DYM: variants seen among roughly 807,000 people sequenced by gnomAD.
DYM encodes the protein dyggve-Melchior-Clausen syndrome protein.
Under a neutral mutation model 93.1 loss-of-function variants are expected in DYM, and 78 were observed. The ratio of observed to expected loss-of-function variants is 0.84; its 90% CI spans 0.70 to 1.01. DYM has a LOEUF of 1.01. Ranked by LOEUF, DYM falls within the 50% of genes least tolerant of loss-of-function variation. The probability of loss-of-function intolerance (pLI) is 0.00; values close to 1 mark genes in which losing one functional copy is unlikely to be tolerated. For synonymous variants in DYM, 321 were observed against 319.7 expected (o/e 1.00, Z -0.04); for missense variants, 789 against 845.0 (o/e 0.93, Z 0.82).
intron 5 of DYM, among the ~76,000 whole-genome samples, chr18:49,370,062 AG>A: frequency 1.3e-5 from 2 of 152,268 alleles, no homozygotes; most frequent in East Asian, 3.9e-4. Context: ...GGACCACTTG[AG>A]GTCGGGAGTT....
chr18:49,454,907 C>CAAAAAA (rs35671085), intron 1 of DYM, among the ~76,000 whole-genome samples: 1 of 73,232 alleles, frequency 1.4e-5, no homozygotes, highest in Non-Finnish European at 2.6e-5. Context: ...GACTCTGTCT[C>CAAAAAA]AAAAAAAAAA....
At position 49,416,893 on chromosome 18, in the gene DYM, A is replaced by C. The variant is rs577866536; in HGVS notation, c.140+13362T>G. 3.9e-5 allele frequency among the ~76,000 whole-genome samples: 6 copies of C among 152,236 alleles called. No individual in the cohort carries two copies. The South Asian group carries it at 1.2e-3, about 32-fold the overall frequency. ...ACAGGTGGACATATTTTTATTTCCC[A>C]GTTCAGCCTTTCATAGTTAGAGCCC... On this transcript the variant is annotated intron_variant, in intron 2 of 17. Coordinates refer to ENST00000675505, the MANE Select transcript of DYM (RefSeq NM_001353214.3).
intron 15 of DYM, among the ~76,000 whole-genome samples, chr18:49,146,131 C>A (rs2085108559): frequency 6.6e-6 from 1 of 152,066 alleles, no homozygotes; most frequent in South Asian, 2.1e-4. Context: ...AGGGTAACCT[C>A]AAGGAAATGA....
chr18:49,117,583 AC>A (rs1233334194), intron 16 of DYM, among the ~76,000 whole-genome samples: 6 of 152,042 alleles, frequency 3.9e-5, no homozygotes, highest in African/African-American at 9.7e-5. Context: ...TAGATTCTAG[AC>A]TTTTCTTGGT....
intron 6 of DYM, among the ~76,000 whole-genome samples, chr18:49,353,351 A>G (rs1352198750): frequency 2.6e-5 from 4 of 152,084 alleles, no homozygotes; most frequent in Non-Finnish European, 4.4e-5. Flanking sequence ...CCTTTTGTGT[A>G]CTTCCTACAA....
At chr18:49,065,631 G>C (rs1473384538) in intron 17 of DYM, among the ~76,000 whole-genome samples, 2 of 151,726 alleles carry the variant, frequency 1.3e-5, no homozygotes, top group Non-Finnish European at 2.9e-5. Context: ...CAAAATGCTG[G>C]GATTACAGGC....
At chr18:49,285,103 G>C (rs1251152337) in intron 9 of DYM, among the ~76,000 whole-genome samples, 1 of 152,154 alleles carries the variant, frequency 6.6e-6, no homozygotes, top group African/African-American at 2.4e-5. Flanking sequence ...AAACCTGCCG[G>C]TGCCTGCATC....
chr18:49,191,353 T>C (rs1427484553), intron 14 of DYM, among the ~76,000 whole-genome samples: 1 of 152,130 alleles, frequency 6.6e-6, no homozygotes, highest in Non-Finnish European at 1.5e-5. Flanking sequence ...ACCTTTTGGG[T>C]TACCTTGAAA....
chr18:49,292,592 G>GAAAAAAAAAAAAAAAAAA (rs72415237), intron 8 of DYM, among the ~76,000 whole-genome samples: 4 of 78,790 alleles, frequency 5.1e-5, no homozygotes, highest in Non-Finnish European at 7.9e-5. Flanking sequence ...TTTCCTGTTG[G>GAAAAAAAAAAAAAAAAAA]AAAAAAAAAA....
chr18:49,289,746 T>TATATATATATATATATATACAC (rs2059939899), intron 8 of DYM, among the ~76,000 whole-genome samples: 3 of 42,860 alleles, frequency 7.0e-5, no homozygotes, highest in African/African-American at 3.5e-4. Context: ...TATATATATA[T>TATATATATATATATATATACAC]ATATATATAT....
At chr18:49,079,950 A>C in intron 17 of DYM, among the ~76,000 whole-genome samples, 1 of 150,278 alleles carries the variant, frequency 6.7e-6, no homozygotes, top group Non-Finnish European at 1.5e-5. Flanking sequence ...GTGGCCGGGC[A>C]GAGGGGCTCC....
intron 11 of DYM, among the ~76,000 whole-genome samples, chr18:49,268,143 G>GT (rs1476554337): frequency 2.6e-5 from 4 of 152,044 alleles, no homozygotes; most frequent in Non-Finnish European, 1.5e-5. Context: ...GTATCATTGG[G>GT]TATTAAGAAA....
chr18:49,220,676 T>A (rs1343576540), intron 13 of DYM, among the ~76,000 whole-genome samples: 1 of 152,168 alleles, frequency 6.6e-6, no homozygotes, highest in African/African-American at 2.4e-5. Flanking sequence ...ATTTAATAAA[T>A]GGTGCTGGGA....
At chr18:49,075,843 C>T (rs2085105947) in intron 17 of DYM, among the ~76,000 whole-genome samples, 1 of 152,176 alleles carries the variant, frequency 6.6e-6, no homozygotes, top group South Asian at 2.1e-4. Flanking sequence ...CAGTTGAAGA[C>T]ACACTTACTA....
chr18:49,385,302 A>G (rs1454968730), intron 3 of DYM, among the ~76,000 whole-genome samples: 1 of 152,220 alleles, frequency 6.6e-6, no homozygotes, highest in East Asian at 1.9e-4. Flanking sequence ...TCTGACTATC[A>G]TAAAAAACAA....
intron 17 of DYM, among the ~76,000 whole-genome samples, chr18:49,044,975 T>C (rs1221955600): frequency 3.3e-5 from 5 of 152,280 alleles, no homozygotes; most frequent in Non-Finnish European, 7.3e-5. Context: ...TTTGGGCTTT[T>C]GATTTTCTAC....
intron 17 of DYM, among the ~76,000 whole-genome samples, chr18:49,083,631 G>T (rs1216477720): frequency 2.0e-5 from 3 of 152,138 alleles, no homozygotes; most frequent in Non-Finnish European, 4.4e-5. Flanking sequence ...ATGAGCCTGT[G>T]TTCTTCTTTA....
At chr18:49,432,212 T>C (rs1183675412) in intron 1 of DYM, among the ~76,000 whole-genome samples, 4 of 151,108 alleles carry the variant, frequency 2.6e-5, no homozygotes, top group Non-Finnish European at 5.9e-5. Context: ...ATGCCTGTAA[T>C]CCCAGCTACT....
In DYM at chr18:49,101,086, T is replaced by G. The variant is rs539851861; in HGVS notation, c.1912-3571A>C. The stretch of plus-strand genomic sequence containing the variant: ...ATAATTTTGCATATAATAGTACTTT[T>G]AGTGATGATGACTACAACAGATGTG... On this transcript the variant is annotated intron_variant, in intron 16 of 17. Transcript: ENST00000675505. 6.2e-4 allele frequency among the ~76,000 whole-genome samples: 94 copies of G among 152,326 alleles called. 1 individual carries two copies. Among genetic ancestry groups the G allele is most frequent in the South Asian group, 1.5e-3 (7 of 4,822 alleles).
Sources: gnomAD v4.1 joint callset for allele counts (sites outside exome capture counted in the v4.1 genomes callset) on GRCh38, gnomAD v4.1.1 for gene constraint, MANE v1.5 for transcripts, NCBI Gene and HGNC (gene_info 2026-07-23, HGNC 2026-07-21) for gene names.